The following LONRF1 variants were observed in gnomAD, a reference collection of about 807,000 sequenced individuals.
The protein encoded by LONRF1 is LON peptidase N-terminal domain and RING finger protein 1.
In LONRF1, 37 loss-of-function variants were observed where a neutral mutation model predicts 85.8. That is an observed-to-expected ratio of 0.43 (90% CI 0.33 to 0.57). The LOEUF (loss-of-function observed/expected upper bound fraction) is 0.57, where lower values mean the gene tolerates loss of function less well. LONRF1 is among the 20% of genes least tolerant of loss of function. The pLI is 0.04. For missense variants in LONRF1, 1,036 were observed against 978.0 expected, an observed-to-expected ratio of 1.06 and a Z score of -0.79; for synonymous variants, 517 against 390.1, an observed-to-expected ratio of 1.33 and a Z score of -3.83.
At chr8:12,729,883 T>C (rs1798462530) in intron 8 of LONRF1, among the ~76,000 whole-genome samples, 1 of 152,078 alleles carries the variant, frequency 6.6e-6, no homozygotes, top group Non-Finnish European at 1.5e-5. Context: ...GCCAGATTGG[T>C]AGAAAGAAAG....
intron 11 of LONRF1, among the ~76,000 whole-genome samples, chr8:12,724,547 T>G (rs1213244733): frequency 1.3e-5 from 2 of 152,192 alleles, no homozygotes; most frequent in Non-Finnish European, 2.9e-5. Context: ...CCCTTCATTC[T>G]GGGAAAATGA....
chr8:12,754,360 C>T (rs1383416044), intron 1 of LONRF1: 1 of 204,760 alleles, frequency 4.9e-6, no homozygotes, highest in African/African-American at 2.3e-5. Context: ...AGCCCAGCTA[C>T]CACCCATCCC....
chr8:12,741,667 TAAAG>T (rs1291901192), intron 2 of LONRF1, among the ~76,000 whole-genome samples: 1 of 152,154 alleles, frequency 6.6e-6, no homozygotes, highest in East Asian at 1.9e-4. Flanking sequence ...CCATCAAAAT[TAAAG>T]AAATATTAAA....
chr8:12,725,732 G>A lies in LONRF1; in HGVS notation c.2158C>T (p.Leu720Phe), dbSNP rs1372914003. The change falls in exon 11 of 12, where the codon CTT becomes TTT. Residue 720 changes from leucine (L) to phenylalanine (F), a missense_variant. Transcript: ENST00000398246. Reference sequence around the variant, plus strand: ...GAACAGAAAAGCCACCATACCTGAAGGTTTTCCTCCCTCTCGGGCATTGAT... The same window carrying A: ...GAACAGAAAAGCCACCATACCTGAAAGTTTTCCTCCCTCTCGGGCATTGAT... ...FGSMPEREEN[L>F]QAAPNGPAWC... The A allele has an allele frequency of 6.2e-7, 1 of 1,611,252 alleles. No individual in the cohort carries two copies. The highest frequency in any genetic ancestry group is 1.1e-5 in the South Asian group (1 of 90,946).
chr8:12,727,686 G>C (rs184785596), intron 10 of LONRF1, among the ~76,000 whole-genome samples: 1 of 152,214 alleles, frequency 6.6e-6, no homozygotes, highest in Admixed American at 6.5e-5. Flanking sequence ...ACTGAAATAT[G>C]GTTATTAACT....
Position 12,736,726 on chromosome 8 carries a change from C to T in LONRF1, c.1426G>A (p.Asp476Asn). The change falls in exon 6 of 12, where the codon GAT becomes AAT. Residue 476 changes from aspartate to asparagine, a missense_variant. Transcript: ENST00000398246. Reference protein sequence around the residue: ...DIPEELIDVSDFECSLCMRLF... With the variant: ...DIPEELIDVSNFECSLCMRLF... ...CTCATGCAGAGAGAACACTCGAAAT[C>T]TGAGACATCGATTAATTCTTCTGGA... is the stretch of plus-strand genomic sequence containing the variant. 6.2e-7 allele frequency: 1 copy of T among 1,611,060 alleles called. No individual in the cohort carries two copies. Among genetic ancestry groups the T allele is most frequent in the Non-Finnish European group, 8.5e-7 (1 of 1,178,550 alleles).
At chr8:12,751,005 A>C (rs925066721) in intron 1 of LONRF1, among the ~76,000 whole-genome samples, 2 of 152,184 alleles carry the variant, frequency 1.3e-5, no homozygotes, top group Non-Finnish European at 2.9e-5. Flanking sequence ...TATGAGGTAG[A>C]GACTATTCTC....
chr8:12,746,752 G>T (rs935066442), intron 1 of LONRF1, among the ~76,000 whole-genome samples: 6 of 152,164 alleles, frequency 3.9e-5, no homozygotes, highest in African/African-American at 1.4e-4. Flanking sequence ...AGTATATGCA[G>T]CTTGCCCATG....
At chr8:12,732,211 C>G (rs1292121961) in intron 7 of LONRF1, among the ~76,000 whole-genome samples, 1 of 152,206 alleles carries the variant, frequency 6.6e-6, no homozygotes, top group African/African-American at 2.4e-5. Flanking sequence ...ATCATTTTAA[C>G]TGAGATACAA....
chr8:12,737,264 G>A lies in LONRF1; in HGVS notation c.1114-124C>T, dbSNP rs755581725. 3.5e-6 allele frequency: 4 copies of A among 1,152,220 alleles called. No homozygotes were observed. In the African/African-American group the frequency reaches 4.6e-5, roughly 13 times the overall value. The allele number at this position is 1,152,220 out of a possible 1,614,324, so 71.4% of individuals were successfully genotyped here. The stretch of plus-strand genomic sequence containing the variant: ...TGCTCATTTTAATGTTCATTTAATA[G>A]CACTAACTTGATTCCAACACTGTGA... On this transcript the variant is annotated intron_variant, in intron 4 of 11. Transcript: ENST00000398246.
intron 4 of LONRF1, chr8:12,737,361 C>A: frequency 1.5e-6 from 1 of 689,242 alleles, no homozygotes; most frequent in Non-Finnish European, 2.6e-6. Context: ...GTTCATCCAA[C>A]TGGGGATAGA....
In LONRF1 at chr8:12,743,968, T is replaced by C. The variant is rs562310458; in HGVS notation, c.722-686A>G. ...CTTAAGAAGCCAAATTATTATCCTA[T>C]GGCATTCAGAATTTCAGACACTTAG... On this transcript the variant is annotated intron_variant, in intron 1 of 11. Transcript: ENST00000398246. 1.4e-4 allele frequency among the ~76,000 whole-genome samples: 22 copies of C among 152,318 alleles called. No individual in the cohort carries two copies. The South Asian group carries it at 4.1e-3, about 29-fold the overall frequency.
intron 3 of LONRF1, among the ~76,000 whole-genome samples, chr8:12,739,959 A>G (rs1189055386): frequency 6.6e-6 from 1 of 152,154 alleles, no homozygotes; most frequent in Non-Finnish European, 1.5e-5. Context: ...TCTGAGAACA[A>G]TCTCAAAGTT....
chr8:12,737,866 C>T, intron 4 of LONRF1, 129 bp downstream of exon 4: 1 of 883,076 alleles, frequency 1.1e-6, no homozygotes, highest in Non-Finnish European at 1.6e-6. Flanking sequence ...GGAAAAAATT[C>T]TACTATGATA....
rs1174712840 is a variant in LONRF1, at chr8:12,743,298, T to G, written c.722-16A>C. ...TCACTGGGTTCTGAAATAAATATTT[T>G]ATAAGGATATGATTATTTTTAAAAG... On this transcript the variant is annotated splice_polypyrimidine_tract_variant and intron_variant, in intron 1 of 11. Coordinates refer to ENST00000398246, the MANE Select transcript of LONRF1 (RefSeq NM_152271.5). 1 of 1,340,700 alleles carries G rather than the reference T, an allele frequency of 7.5e-7. No individual in the cohort carries two copies. The highest frequency in any genetic ancestry group is 1.1e-6 in the Non-Finnish European group (1 of 940,020). 83.1% of individuals were successfully genotyped at this position (1,340,700 alleles called of 1,614,324 possible).
In LONRF1 at chr8:12,751,294, A is replaced by ATGTTTTTTTTGTTTT. The variant is rs1799377897; in HGVS notation, c.721+3405_721+3406insAAAACAAAAAAAACA. ...AGTCAAGGATTATATTTTTATTTTT[A>ATGTTTTTTTTGTTTT]TGTTTTTTTTTTTTTTTTTTTTTTT... On this transcript the variant is annotated intron_variant, in intron 1 of 11. Transcript: ENST00000398246. Among the ~76,000 whole-genome samples the ATGTTTTTTTTGTTTT allele has an allele frequency of 1.5e-4, 13 of 84,820 alleles. No homozygotes were observed. The East Asian group carries it at 3.9e-3, about 26-fold the overall frequency. 55.6% of individuals were successfully genotyped at this position (84,820 alleles called of 152,430 possible).
chr8:12,753,091 A>T (rs1004494393), intron 1 of LONRF1: 1 of 152,210 alleles, frequency 6.6e-6, no homozygotes, highest in Non-Finnish European at 1.5e-5. Context: ...TCACCCAGAG[A>T]AGCAGAGTCA....
chr8:12,741,136 C>G (rs908188809), intron 2 of LONRF1, 140 bp from the exon 3 acceptor site: 5 of 819,510 alleles, frequency 6.1e-6, no homozygotes, highest in Non-Finnish European at 9.4e-6. Flanking sequence ...GTAATCCCAG[C>G]ACTTTGGGAG....
chr8:12,745,068 T>C (rs1297815551), intron 1 of LONRF1, among the ~76,000 whole-genome samples: 1 of 151,914 alleles, frequency 6.6e-6, no homozygotes, highest in Non-Finnish European at 1.5e-5. Flanking sequence ...AAACAAACTA[T>C]AAAATGTATC....
Sources: gnomAD v4.1 joint callset for allele counts (sites outside exome capture counted in the v4.1 genomes callset) on GRCh38, gnomAD v4.1.1 for gene constraint, MANE v1.5 for transcripts, NCBI Gene and HGNC (gene_info 2026-07-23, HGNC 2026-07-21) for gene names.